The following KRT6B variants were observed in gnomAD, a reference collection of about 807,000 sequenced individuals.
The protein encoded by KRT6B is keratin 6B.
In KRT6B, 29 loss-of-function variants were observed where a neutral mutation model predicts 44.7. The ratio of observed to expected loss-of-function variants is 0.65; its 90% CI spans 0.48 to 0.88. KRT6B has a LOEUF of 0.88. Among genes scored for constraint, KRT6B ranks in the 40% least tolerant of loss-of-function variants. The pLI is 0.00. For synonymous variants in KRT6B, 213 were observed against 296.0 expected, an observed-to-expected ratio of 0.72 and a Z score of 2.88; for missense variants, 600 against 724.0, an observed-to-expected ratio of 0.83 and a Z score of 1.97.
In KRT6B at chr12:52,450,032, C is replaced by T. The variant is rs150075508; in HGVS notation, c.796G>A (p.Glu266Lys). The change falls in exon 3 of 9, where the codon GAA (glutamate) becomes AAA (lysine). Residue 266 changes from glutamate (E) to lysine (K), a missense_variant. This residue lies in a region of KRT6B where 479 missense variants were observed against 454.2 expected (regional missense o/e 1.05). Coordinates refer to ENST00000252252, the MANE Select transcript of KRT6B (RefSeq NM_005555.4). ...CTCACCTTCTTCAGAGTCACAAATT[C>T]ATTCTCTGCTGCTGTGCGCTTGTTG... is the stretch of plus-strand genomic sequence containing the variant. ...EINKRTAAEN[E>K]FVTLKKDVDA... is the part of the protein sequence containing the mutation. The T allele has an allele frequency of 6.2e-7, 1 of 1,613,890 alleles. No individual in the cohort carries two copies. The highest frequency in any genetic ancestry group is 1.3e-5 in the African/African-American group (1 of 74,926).
Position 52,447,337 on chromosome 12 carries a change from G to A in KRT6B, c.1548C>T (p.Ser516=), listed in dbSNP as rs61749468. 3,674 of 1,614,058 alleles carry A rather than the reference G, an allele frequency of 2.3e-3. 47 individuals are homozygous for A. The African/African-American group carries it at 0.041, about 18-fold the overall frequency. Residue 516 remains serine (S), a synonymous_variant, in exon 9 of 9, where the codon TCC becomes TCT. Coordinates refer to ENST00000252252, the MANE Select transcript of KRT6B (RefSeq NM_005555.4). ...CTCCAACGCCAAGACCACTGCCATA[G>A]GAGTAGCTGCTTCCTCCACCCAGGC... ...GLGLGGGSSY[S]YGSGLGVGGG...
chr12:52,448,843 T>A lies in KRT6B; in HGVS notation c.1202A>T (p.Gln401Leu). The A allele has an allele frequency of 6.2e-7, 1 of 1,614,144 alleles. No individual in the cohort carries two copies. Among genetic ancestry groups the A allele is most frequent in the Non-Finnish European group, 8.5e-7 (1 of 1,180,032 alleles). The change falls in exon 6 of 9, where the codon CAG (glutamine) becomes CTG (leucine). Residue 401 changes from glutamine (Q) to leucine (L), a missense_variant and splice_region_variant. Around this residue, in one of 4 missense-constraint regions of KRT6B, gnomAD observed 479 missense variants for 454.2 expected, o/e 1.05. Transcript: ENST00000252252. The part of the protein sequence containing the change: ...LRSEIDHVKK[Q>L]CANLQAAIAD... Reference sequence around the variant, plus strand: ...CTCCTCCATTGCCCCTCACCATACCTGCTTCTTGACGTGGTCGATCTCAGA... The same window carrying A: ...CTCCTCCATTGCCCCTCACCATACCAGCTTCTTGACGTGGTCGATCTCAGA...
rs1434728248 is a variant in KRT6B at position 52,449,450 on chromosome 12, C to T, written c.1077+19G>A. The T allele has an allele frequency of 6.2e-7, 1 of 1,614,214 alleles. No individual in the cohort carries two copies. Among genetic ancestry groups the T allele is most frequent in the Admixed American group, 1.7e-5 (1 of 60,032 alleles). On this transcript the variant is annotated intron_variant, in intron 5 of 8. Transcript: ENST00000252252. ...GATGGACACAAGGATTCCTCAGCGGCTGTCCACTCCGTGCTCACCTTTGTC... is the reference window on the plus strand; with the variant it reads ...GATGGACACAAGGATTCCTCAGCGGTTGTCCACTCCGTGCTCACCTTTGTC...
rs756540663 is a variant in KRT6B at position 52,448,928 on chromosome 12, C to T, written c.1117G>A (p.Asp373Asn). 2.5e-5 allele frequency: 40 copies of T among 1,613,538 alleles called. No homozygotes were observed. In the East Asian group the frequency reaches 4.5e-4, roughly 18 times the overall value. The stretch of plus-strand genomic sequence containing the variant: ...ATCTCCTGCTTGGTGTTGCGCAGGT[C>T]GTCCCCATGTCTGCCTGCTGTGATC... ...LQITAGRHGD[D>N]LRNTKQEIAE... is the part of the protein sequence containing the mutation. Residue 373 changes from aspartate to asparagine, a missense_variant, in exon 6 of 9, where the codon GAC becomes AAC. Asp to Asn is a conservative substitution (Grantham distance 23). This residue lies in a region of KRT6B where 479 missense variants were observed against 454.2 expected (regional missense o/e 1.05). Transcript: ENST00000252252.
chr12:52,451,463 C>T (rs1940401347), intron 1 of KRT6B, 76 bp downstream of exon 1: 3 of 1,613,054 alleles, frequency 1.9e-6, no homozygotes, highest in South Asian at 1.1e-5. Flanking sequence ...CTCCTAGGGT[C>T]TCTCCGGCAG....
intron 6 of KRT6B, 90 bp from the exon 7 acceptor site, chr12:52,448,088 C>T (rs1359102401): frequency 6.5e-7 from 1 of 1,535,226 alleles, no homozygotes; most frequent in Non-Finnish European, 9.0e-7. Flanking sequence ...AAGAAGGCAC[C>T]AGGAACCCAG....
intron 6 of KRT6B, 147 bp from the exon 7 acceptor site, chr12:52,448,145 T>G: frequency 8.9e-7 from 1 of 1,123,828 alleles, no homozygotes; most frequent in Non-Finnish European, 1.3e-6. Context: ...GCCTTTTTAC[T>G]GTCTTCAAAG....
At chr12:52,448,183 A>T (rs1940343557) in intron 6 of KRT6B, among the ~76,000 whole-genome samples, 185 bp from the exon 7 acceptor site, 1 of 152,180 alleles carries the variant, frequency 6.6e-6, no homozygotes, top group South Asian at 2.1e-4. Context: ...ACATGATAAA[A>T]TCCTGTGCCC....
At chr12:52,449,123 A>G (rs1252759788) in intron 5 of KRT6B, among the ~76,000 whole-genome samples, 156 bp from the exon 6 acceptor site, 10 of 152,108 alleles carry the variant, frequency 6.6e-5, no homozygotes, top group Admixed American at 2.0e-4. Flanking sequence ...GGTGGATACT[A>G]AACACTGGAG....
Position 52,450,055 on chromosome 12 carries a change from T to G in KRT6B, c.773A>C (p.Asn258Thr). The G allele has an allele frequency of 6.2e-7, 1 of 1,614,032 alleles. No homozygotes were observed. Among genetic ancestry groups the G allele is most frequent in the East Asian group, 2.2e-5 (1 of 44,894 alleles). ...TTCATTCTCTGCTGCTGTGCGCTTG[T>G]TGATTTCATCCTCATATCTACAGGA... ...DLKNKYEDEI[N>T]KRTAAENEFV... is the part of the protein sequence containing the mutation. Residue 258 changes from asparagine to threonine, a missense_variant, in exon 3 of 9, where the codon AAC becomes ACC. Physicochemically the swap from Asn to Thr is moderately conservative, Grantham distance 65. Transcript: ENST00000252252.
intron 6 of KRT6B, among the ~76,000 whole-genome samples, chr12:52,448,458 G>A (rs1940347484): frequency 6.6e-6 from 1 of 152,062 alleles, no homozygotes; most frequent in Non-Finnish European, 1.5e-5. Context: ...CATAGCCCTG[G>A]TTTCACTTGC....
chr12:52,449,360 G>A, intron 5 of KRT6B, 109 bp downstream of exon 5: 1 of 1,511,930 alleles, frequency 6.6e-7, no homozygotes, highest in African/African-American at 1.4e-5. Flanking sequence ...CATGTCCTGT[G>A]AGAGGACCCC....
In KRT6B at chr12:52,450,583, G is replaced by C; in HGVS notation, c.578C>G (p.Thr193Ser). The C allele has an allele frequency of 6.2e-7, 1 of 1,614,194 alleles. No homozygotes were observed. Among genetic ancestry groups the C allele is most frequent in the East Asian group, 2.2e-5 (1 of 44,894 alleles). ...CTGCTCCTGCAGCAGGGTCCACTTG[G>C]TGTCCAGAACCTTGTTCTGCTGCTC... Reference protein sequence around the residue: ...FLEQQNKVLDTKWTLLQEQGT... With the variant: ...FLEQQNKVLDSKWTLLQEQGT... Residue 193 changes from threonine (T) to serine (S), a missense_variant, in exon 2 of 9, where the codon ACC (threonine) becomes AGC (serine). Around this residue, in one of 4 missense-constraint regions of KRT6B, gnomAD observed 31 missense variants for 79.0 expected, o/e 0.39. Coordinates refer to ENST00000252252, the MANE Select transcript of KRT6B (RefSeq NM_005555.4).
At chr12:52,448,713 G>T in intron 6 of KRT6B, 129 bp downstream of exon 6, 1 of 1,474,700 alleles carries the variant, frequency 6.8e-7, no homozygotes, top group Non-Finnish European at 9.3e-7. Context: ...CTGAGCCTAG[G>T]AACTGCATGT....
Position 52,449,851 on chromosome 12 carries a change from A to G in KRT6B, c.819T>C (p.Asp273=), listed in dbSNP as rs150034493. 1,550 of 1,613,894 alleles carry G rather than the reference A, an allele frequency of 9.6e-4. 4 individuals are homozygous for G. The African/African-American group carries it at 0.016, about 17-fold the overall frequency. ...AENEFVTLKK[D]VDAAYMNKVE... ...CCTTGTTCATGTAGGCAGCATCCAC[A>G]TCCTGGGGAAAGAGCCAACAACCTG... is the stretch of plus-strand genomic sequence containing the variant. Residue 273 remains aspartate (D), a splice_region_variant and synonymous_variant, in exon 4 of 9, where the codon GAT becomes GAC. Transcript: ENST00000252252.
At chr12:52,450,317 T>C (rs1196520407) in intron 2 of KRT6B, 89 bp downstream of exon 2, 10 of 1,508,200 alleles carry the variant, frequency 6.6e-6, no homozygotes, top group African/African-American at 4.2e-5. Flanking sequence ...TTCATTTCCA[T>C]GGACATGGGT....
chr12:52,447,200 T>C lies in KRT6B; in HGVS notation c.1685A>G (p.Tyr562Cys). The C allele has an allele frequency of 1.9e-6, 3 of 1,614,080 alleles. No homozygotes were observed. Among genetic ancestry groups the C allele is most frequent in the South Asian group, 2.2e-5 (2 of 91,070 alleles). Reference sequence around the variant, plus strand: ...GCTGGCGGCAGCACTTCAGTGCTTGTAGCTCTTCCTGCTGGAGGAGGAGGT... The same window carrying C: ...GCTGGCGGCAGCACTTCAGTGCTTGCAGCTCTTCCTGCTGGAGGAGGAGGT... ...TTTSSSSRKSYKH is the reference protein window; with the variant it reads ...TTTSSSSRKSCKH Residue 562 changes from tyrosine to cysteine, a missense_variant, in exon 9 of 9, where the codon TAC becomes TGC. By Grantham distance (194) the Tyr-to-Cys change is radical. Transcript: ENST00000252252.
rs1173975725 is a variant in KRT6B at position 52,450,073 on chromosome 12, C to T, written c.756-1G>A. 1.9e-6 allele frequency: 3 copies of T among 1,613,860 alleles called. No individual in the cohort carries two copies. Among genetic ancestry groups the T allele is most frequent in the South Asian group, 2.2e-5 (2 of 91,078 alleles). ...GCGCTTGTTGATTTCATCCTCATAT[C>T]TACAGGAAGAAAGGCATGGGACACA... On this transcript the variant is annotated splice_acceptor_variant, in intron 2 of 8. Coordinates refer to ENST00000252252, the MANE Select transcript of KRT6B (RefSeq NM_005555.4). LOFTEE classifies it high-confidence loss of function.
At chr12:52,448,200 T>C (rs1940343705) in intron 6 of KRT6B, among the ~76,000 whole-genome samples, 1 of 152,190 alleles carries the variant, frequency 6.6e-6, no homozygotes, top group Admixed American at 6.5e-5. Flanking sequence ...GCCCTTTCTG[T>C]TAACTCCACT....
Sources: allele counts gnomAD v4.1 joint callset (sites outside exome capture counted in the v4.1 genomes callset), GRCh38; gene constraint gnomAD v4.1.1; regional missense constraint gnomAD v4.1.1; transcripts MANE v1.5; gene names NCBI Gene and HGNC (gene_info 2026-07-23, HGNC 2026-07-21).